The following HDAC9 variants were observed in gnomAD, a reference collection of about 807,000 sequenced individuals.
The protein encoded by HDAC9 is MEF-2 interacting transcription repressor (MITR) protein.
In HDAC9, 41 loss-of-function variants were observed where a neutral mutation model predicts 139.4. The observed-to-expected ratio is 0.29, with a 90% CI of 0.23 to 0.38. HDAC9 has a LOEUF of 0.38. Among genes scored for constraint, HDAC9 ranks in the 10% least tolerant of loss-of-function variants. The pLI is 1.00. For missense variants in HDAC9, 1,147 were observed against 1,297.0 expected (o/e 0.88, Z 1.78); for synonymous variants, 517 against 476.2 (o/e 1.09, Z -1.12).
chr7:18,158,589 C>T (rs75394875), intron 1 of HDAC9, among the ~76,000 whole-genome samples: 1,602 of 152,326 alleles, frequency 0.011, 14 homozygotes, highest in Middle Eastern at 0.041. Context: ...CCTCTTTACA[C>T]CTCAGATGCC....
chr7:18,091,902 C>T (rs1304369721), intron 1 of HDAC9, among the ~76,000 whole-genome samples: 1 of 152,214 alleles, frequency 6.6e-6, no homozygotes, highest in Non-Finnish European at 1.5e-5. Context: ...GTGGCCCTCT[C>T]ATAGGTACTG....
At chr7:18,329,633 C>G (rs1800754207) in intron 1 of HDAC9, among the ~76,000 whole-genome samples, 1 of 151,184 alleles carries the variant, frequency 6.6e-6, no homozygotes, top group Admixed American at 6.6e-5. Flanking sequence ...ATTCTGTGCT[C>G]TCTGATTCAC....
intron 22 of HDAC9, among the ~76,000 whole-genome samples, chr7:18,924,346 A>G (rs1327968363): frequency 3.9e-5 from 6 of 152,104 alleles, no homozygotes; most frequent in African/African-American, 1.2e-4. Flanking sequence ...GGCATTTCAT[A>G]TTTAGTTAAC....
chr7:18,949,970 T>G (rs2129321221), intron 23 of HDAC9, among the ~76,000 whole-genome samples: 1 of 152,166 alleles, frequency 6.6e-6, no homozygotes, highest in East Asian at 1.9e-4. Context: ...AGAATAAATC[T>G]ATCTGAAAAT....
intron 11 of HDAC9, among the ~76,000 whole-genome samples, chr7:18,657,181 C>A (rs1791507818): frequency 6.6e-6 from 1 of 151,962 alleles, no homozygotes; most frequent in Admixed American, 6.6e-5. Context: ...TTATTAATCT[C>A]TTGTCAGAGG....
chr7:18,650,924 T>G (rs567231115), intron 11 of HDAC9, among the ~76,000 whole-genome samples: 1 of 152,298 alleles, frequency 6.6e-6, no homozygotes, highest in East Asian at 1.9e-4. Context: ...TTTCATCAAG[T>G]TGGCATATTC....
chr7:18,464,553 A>G (rs959966052), intron 1 of HDAC9, among the ~76,000 whole-genome samples: 2 of 151,934 alleles, frequency 1.3e-5, no homozygotes, highest in Non-Finnish European at 2.9e-5. Context: ...ATTGCATGTC[A>G]GATGTTCTAT....
chr7:18,639,771 T>C (rs975976851), intron 8 of HDAC9, among the ~76,000 whole-genome samples: 2 of 152,060 alleles, frequency 1.3e-5, no homozygotes, highest in Non-Finnish European at 2.9e-5. Flanking sequence ...CCAAAGCTGA[T>C]TGACACTCAT....
intron 1 of HDAC9, among the ~76,000 whole-genome samples, chr7:18,443,595 T>A (rs1791994454): frequency 6.6e-6 from 1 of 152,162 alleles, no homozygotes; most frequent in Admixed American, 6.5e-5. Flanking sequence ...CCTCAGGGGA[T>A]GAATATTAGT....
intron 22 of HDAC9, among the ~76,000 whole-genome samples, chr7:18,881,086 ACT>A (rs1308946715): frequency 2.0e-5 from 3 of 152,010 alleles, no homozygotes; most frequent in African/African-American, 7.2e-5. Context: ...CAAAAGTAAG[ACT>A]CTAAAAACTT....
At chr7:18,522,763 C>A (rs1805499769) in intron 2 of HDAC9, among the ~76,000 whole-genome samples, 1 of 151,986 alleles carries the variant, frequency 6.6e-6, no homozygotes, top group South Asian at 2.1e-4. Context: ...CATTCAGTGA[C>A]CATTAAGTGC....
At chr7:18,577,217 C>T (rs773944462) in intron 2 of HDAC9, among the ~76,000 whole-genome samples, 1 of 152,220 alleles carries the variant, frequency 6.6e-6, no homozygotes, top group Non-Finnish European at 1.5e-5. Flanking sequence ...TGGCTTCTGC[C>T]ACACTGCTTG....
intron 1 of HDAC9, among the ~76,000 whole-genome samples, chr7:18,317,010 C>T (rs1005970535): frequency 9.2e-5 from 14 of 151,356 alleles, no homozygotes; most frequent in South Asian, 6.3e-4. Flanking sequence ...AGGAGAATGG[C>T]GTGAACCCGG....
chr7:18,671,688 C>CA lies in HDAC9; in HGVS notation c.1731+5221dup, dbSNP rs370684155. Among the ~76,000 whole-genome samples the CA allele has an allele frequency of 3.6e-3, 550 of 151,340 alleles. 3 individuals are homozygous for CA. The highest frequency in any genetic ancestry group is 0.013 in the African/African-American group (523 of 41,326). ...CAAAACACTTCCATTAACCCCAACTCAAAAAAAAATCTTGTACCAACTAAG... is the reference window on the plus strand; with the variant it reads ...CAAAACACTTCCATTAACCCCAACTCAAAAAAAAAATCTTGTACCAACTAAG... On this transcript the variant is annotated intron_variant, in intron 12 of 25. Coordinates refer to ENST00000686413, the MANE Select transcript of HDAC9 (RefSeq NM_178425.4).
chr7:18,198,913 G>A lies in HDAC9; in HGVS notation c.25+36564G>A, dbSNP rs116460001. On this transcript the variant is annotated intron_variant, in intron 2 of 12. Coordinates refer to the HDAC9 transcript ENST00000417496. ...ACTTATTTTGCCCCCAGGATCATGC[G>A]TTGTTTTAGATATTAATTAACATTA... Among the ~76,000 whole-genome samples, 636 of 152,010 alleles carry A rather than the reference G, an allele frequency of 4.2e-3. 6 individuals are homozygous for A. The highest frequency in any genetic ancestry group is 0.015 in the African/African-American group (615 of 41,462).
intron 6 of HDAC9, among the ~76,000 whole-genome samples, chr7:18,609,192 A>G (rs905909248): frequency 6.6e-6 from 1 of 152,154 alleles, no homozygotes; most frequent in Non-Finnish European, 1.5e-5. Context: ...AGCACTGCCA[A>G]ATATAATTTG....
At chr7:18,179,717 A>T (rs751449029) in intron 2 of HDAC9, among the ~76,000 whole-genome samples, 7 of 152,262 alleles carry the variant, frequency 4.6e-5, no homozygotes, top group Non-Finnish European at 8.8e-5. Context: ...AAGCCCAAGG[A>T]CTTAAACGCA....
intron 1 of HDAC9, among the ~76,000 whole-genome samples, chr7:18,346,713 C>T (rs1442658785): frequency 6.6e-6 from 1 of 152,012 alleles, no homozygotes; most frequent in Non-Finnish European, 1.5e-5. Flanking sequence ...TCAATGGGAT[C>T]GAAAGACACT....
intron 12 of HDAC9, among the ~76,000 whole-genome samples, chr7:18,720,796 C>T (rs1025203328): frequency 2.0e-5 from 3 of 152,022 alleles, no homozygotes; most frequent in Non-Finnish European, 4.4e-5. Flanking sequence ...ATCCTCCCAC[C>T]TCAGCCTCCT....
Sources: allele counts gnomAD v4.1 joint callset (sites outside exome capture counted in the v4.1 genomes callset), GRCh38; gene constraint gnomAD v4.1.1; transcripts MANE v1.5; gene names NCBI Gene and HGNC (gene_info 2026-07-23, HGNC 2026-07-21).